SUMO2: variants seen among roughly 807,000 people sequenced by gnomAD.
SUMO2 encodes the protein small ubiquitin like modifier 2, also known as small ubiquitin-related modifier 2.
A neutral mutation model predicts 16.0 loss-of-function variants in SUMO2; 1 was observed. That is an observed-to-expected ratio of 0.06 (90% CI 0.02 to 0.30). The LOEUF is 0.30. SUMO2 is among the 10% of genes least tolerant of loss of function. The pLI, the probability that SUMO2 is intolerant of heterozygous loss-of-function variation, is 1.00. For missense variants in SUMO2, 16 were observed against 117.5 expected (o/e 0.14, Z 3.99); for synonymous variants, 36 against 40.6 (o/e 0.89, Z 0.43).
chr17:75,180,938 A>C (rs1041373382), intron 2 of SUMO2, 119 bp downstream of exon 2: 1 of 1,156,172 alleles, frequency 8.6e-7, no homozygotes, highest in Admixed American at 2.3e-5. Flanking sequence ...TGACGTGCCA[A>C]GTGCATATTC....
intron 2 of SUMO2, among the ~76,000 whole-genome samples, chr17:75,175,144 G>A (rs1045922022): frequency 4.0e-5 from 6 of 151,660 alleles, no homozygotes; most frequent in South Asian, 2.1e-4. Flanking sequence ...CACAACAACC[G>A]GCTAATTTTT....
At position 75,166,546 on chromosome 17, in the gene SUMO2, T is replaced by G. The variant is rs2074694500; in HGVS notation, c.*1793A>C. On this transcript the variant is annotated 3_prime_UTR_variant, in exon 4 of 4. Coordinates refer to ENST00000420826, the MANE Select transcript of SUMO2 (RefSeq NM_006937.4). ...GCTCACGCCTGTAAACCCAGCACAT[T>G]GGGAGGCTAAGGCAGATAGATCACT... 6.6e-6 allele frequency: 1 copy of G among 152,118 alleles called. No individual in the cohort carries two copies. 9.4% of individuals were successfully genotyped at this position (152,118 alleles called of 1,614,324 possible). A position where few individuals can be genotyped will look rare whatever the true frequency, so the allele number is the denominator to read the frequency against.
In SUMO2 at chr17:75,167,007, A is replaced by G. The variant is rs1015874278; in HGVS notation, c.*1332T>C. 1 of 151,372 alleles carries G rather than the reference A, an allele frequency of 6.6e-6. No homozygotes were observed. Among genetic ancestry groups the G allele is most frequent in the East Asian group, 1.9e-4 (1 of 5,178 alleles). 9.4% of individuals were successfully genotyped at this position (151,372 alleles called of 1,614,324 possible). A position where few individuals can be genotyped will look rare whatever the true frequency, so the allele number is the denominator to read the frequency against. ...AGGTTCTGAGGATGGATATATATAGATATTTTCTGTCCCTCAATATTCTTG... is the reference window on the plus strand; with the variant it reads ...AGGTTCTGAGGATGGATATATATAGGTATTTTCTGTCCCTCAATATTCTTG... On this transcript the variant is annotated 3_prime_UTR_variant, in exon 4 of 4. Transcript: ENST00000420826.
intron 2 of SUMO2, among the ~76,000 whole-genome samples, chr17:75,176,403 G>A (rs982196331): frequency 6.6e-5 from 10 of 151,992 alleles, no homozygotes; most frequent in Non-Finnish European, 1.0e-4. Flanking sequence ...ATCATCTGAG[G>A]TCTGGAGTTC....
intron 3 of SUMO2, among the ~76,000 whole-genome samples, chr17:75,173,287 CAAG>C (rs1260592294): frequency 6.6e-6 from 1 of 151,920 alleles, no homozygotes; most frequent in African/African-American, 2.4e-5. Context: ...CTAAACTTCC[CAAG>C]AAGCTGGGAC....
At chr17:75,175,455 G>C (rs572456765) in intron 2 of SUMO2, among the ~76,000 whole-genome samples, 2 of 151,418 alleles carry the variant, frequency 1.3e-5, no homozygotes, top group East Asian at 3.9e-4. Flanking sequence ...TGATTAGCTG[G>C]GACTAGGCAG....
At chr17:75,174,095 T>C (rs553867299) in intron 3 of SUMO2, among the ~76,000 whole-genome samples, 1 of 152,244 alleles carries the variant, frequency 6.6e-6, no homozygotes, top group South Asian at 2.1e-4. Context: ...AGAACTAAAA[T>C]GGTGAGGATT....
At chr17:75,176,709 A>G (rs1401147926) in intron 2 of SUMO2, among the ~76,000 whole-genome samples, 2 of 152,160 alleles carry the variant, frequency 1.3e-5, no homozygotes, top group Non-Finnish European at 2.9e-5. Flanking sequence ...CCGCTTTTTA[A>G]TTTCCTTTAA....
intron 1 of SUMO2, 196 bp downstream of exon 1, chr17:75,182,618 C>G: frequency 2.8e-6 from 1 of 355,174 alleles, no homozygotes; most frequent in Non-Finnish European, 4.7e-6. Flanking sequence ...GAGAGAGCGG[C>G]GGGGCCTCCT....
At chr17:75,179,909 T>C (rs2074813704) in intron 2 of SUMO2, among the ~76,000 whole-genome samples, 1 of 152,170 alleles carries the variant, frequency 6.6e-6, no homozygotes, top group African/African-American at 2.4e-5. Flanking sequence ...TCTCCCAAAG[T>C]GCTGGGATTA....
intron 1 of SUMO2, among the ~76,000 whole-genome samples, chr17:75,181,407 C>T (rs2074827719): frequency 6.6e-6 from 1 of 152,094 alleles, no homozygotes; most frequent in African/African-American, 2.4e-5. Context: ...AGCCTACATG[C>T]AATACTATCA....
chr17:75,173,636 T>C (rs922532277), intron 3 of SUMO2, among the ~76,000 whole-genome samples: 5 of 152,050 alleles, frequency 3.3e-5, no homozygotes, highest in Admixed American at 1.3e-4. Context: ...CACTGCTCCC[T>C]GGCTAATTTT....
chr17:75,181,331 C>T, intron 1 of SUMO2, 143 bp from the exon 2 acceptor site: 3 of 839,914 alleles, frequency 3.6e-6, no homozygotes, highest in Non-Finnish European at 5.5e-6. Flanking sequence ...TTTTCAGCTG[C>T]TGAAATCAAT....
intron 2 of SUMO2, among the ~76,000 whole-genome samples, chr17:75,178,509 CAAA>C (rs545816366): frequency 2.7e-5 from 2 of 74,846 alleles, no homozygotes; most frequent in African/African-American, 5.6e-5. Flanking sequence ...GCGAGACTCT[CAAA>C]AAAAAAAAAA....
At chr17:75,182,368 C>G (rs1343275654) in intron 1 of SUMO2, 1 of 153,636 alleles carries the variant, frequency 6.5e-6, no homozygotes, top group African/African-American at 2.4e-5. Flanking sequence ...TCCCCAGATG[C>G]CCGCGGTTCC....
At chr17:75,169,094 T>C (rs2074715074) in intron 3 of SUMO2, among the ~76,000 whole-genome samples, 1 of 148,004 alleles carries the variant, frequency 6.8e-6, no homozygotes, top group African/African-American at 2.5e-5. Flanking sequence ...TAGCCAGCCA[T>C]GGTGACACAT....
intron 3 of SUMO2, among the ~76,000 whole-genome samples, chr17:75,169,816 T>A (rs1400450868): frequency 6.3e-5 from 7 of 111,278 alleles, no homozygotes; most frequent in Admixed American, 3.7e-4. Flanking sequence ...GCCACTGGAC[T>A]CCAACACCGG....
At chr17:75,171,337 A>C (rs919197804) in intron 3 of SUMO2, among the ~76,000 whole-genome samples, 3 of 151,806 alleles carry the variant, frequency 2.0e-5, no homozygotes, top group African/African-American at 7.3e-5. Flanking sequence ...AAATAAAAAC[A>C]ACATAAACAA....
chr17:75,176,951 A>G (rs1441353560), intron 2 of SUMO2, among the ~76,000 whole-genome samples: 1 of 151,980 alleles, frequency 6.6e-6, no homozygotes, highest in Non-Finnish European at 1.5e-5. Flanking sequence ...TGGGAGACTG[A>G]GGTGGAAGAT....
Sources: allele counts gnomAD v4.1 joint callset (sites outside exome capture counted in the v4.1 genomes callset), GRCh38; gene constraint gnomAD v4.1.1; transcripts MANE v1.5; gene names NCBI Gene and HGNC (gene_info 2026-07-23, HGNC 2026-07-21).